The following CDCP1 variants were observed in gnomAD, a reference collection of about 807,000 sequenced individuals.
CDCP1 encodes the protein CUB domain containing protein 1, also known as CUB domain-containing protein 1.
CDCP1 carries 29 observed loss-of-function variants against 60.2 expected under a neutral mutation model. That is an observed-to-expected ratio of 0.48 (90% CI 0.36 to 0.66). The LOEUF (loss-of-function observed/expected upper bound fraction) is 0.66, where lower values mean the gene tolerates loss of function less well. Ranked by LOEUF, CDCP1 falls within the 30% of genes least tolerant of loss-of-function variation. CDCP1 has a pLI of 0.00. For synonymous variants in CDCP1, 387 were observed against 431.1 expected (o/e 0.90, Z 1.27); for missense variants, 876 against 1,074.3 (o/e 0.82, Z 2.58).
chr3:45,116,092 T>C (rs532889908), intron 2 of CDCP1, among the ~76,000 whole-genome samples: 1 of 152,340 alleles, frequency 6.6e-6, no homozygotes, highest in Admixed American at 6.5e-5. Flanking sequence ...TTATTGGTAA[T>C]GCTGCCATAT....
At chr3:45,108,954 T>TATATATATATA (rs1224356043) in intron 4 of CDCP1, among the ~76,000 whole-genome samples, 3 of 32,706 alleles carry the variant, frequency 9.2e-5, no homozygotes, top group East Asian at 6.8e-4. Context: ...TATATATATA[T>TATATATATATA]TTTTTTTTTT....
intron 5 of CDCP1, among the ~76,000 whole-genome samples, chr3:45,094,289 G>A (rs375869202): frequency 6.6e-6 from 1 of 151,678 alleles, no homozygotes; most frequent in East Asian, 1.9e-4. Context: ...GAAGTGGTGC[G>A]ATCTCGGCTC....
chr3:45,127,317 G>A (rs987062510), intron 1 of CDCP1, among the ~76,000 whole-genome samples: 2 of 152,160 alleles, frequency 1.3e-5, no homozygotes, highest in African/African-American at 4.8e-5. Flanking sequence ...TTCTAAGAAA[G>A]GGAACTGGCA....
In CDCP1 at chr3:45,135,048, G is replaced by A. The variant is rs13325791; in HGVS notation, c.82+11158C>T. On this transcript the variant is annotated intron_variant, in intron 1 of 8. Transcript: ENST00000296129. Reference sequence around the variant, plus strand: ...ATGTGGAAGGTGTTAAGTCAACGAGGACAGCCATTATAAAAGGTGTTTGGG... The same window carrying A: ...ATGTGGAAGGTGTTAAGTCAACGAGAACAGCCATTATAAAAGGTGTTTGGG... Among the ~76,000 whole-genome samples, 792 of 152,248 alleles carry A rather than the reference G, an allele frequency of 5.2e-3. 9 individuals are homozygous for A. Among genetic ancestry groups the A allele is most frequent in the African/African-American group, 0.018 (753 of 41,552 alleles).
chr3:45,138,131 T>C (rs995471847), intron 1 of CDCP1, among the ~76,000 whole-genome samples: 1 of 152,232 alleles, frequency 6.6e-6, no homozygotes, highest in Non-Finnish European at 1.5e-5. Context: ...TAAGTTGTTA[T>C]AAAACTGGTC....
chr3:45,095,799 T>C (rs1698387982), intron 4 of CDCP1, among the ~76,000 whole-genome samples: 3 of 152,130 alleles, frequency 2.0e-5, no homozygotes. Context: ...TCATTAAAAA[T>C]GTGGCATAAA....
In CDCP1 at chr3:45,135,225, A is replaced by G. The variant is rs539921328; in HGVS notation, c.82+10981T>C. ...CAAAAATTCAGGGATATGAAAAACTAAGTTGAGGCACCAAGAATTCTGAGA... is the reference window on the plus strand; with the variant it reads ...CAAAAATTCAGGGATATGAAAAACTGAGTTGAGGCACCAAGAATTCTGAGA... On this transcript the variant is annotated intron_variant, in intron 1 of 8. Transcript: ENST00000296129. Among the ~76,000 whole-genome samples, 29 of 152,270 alleles carry G rather than the reference A, an allele frequency of 1.9e-4. No homozygotes were observed. The East Asian group carries it at 5.4e-3, about 28-fold the overall frequency.
chr3:45,122,128 A>C (rs1698896016), intron 1 of CDCP1, among the ~76,000 whole-genome samples: 1 of 150,782 alleles, frequency 6.6e-6, no homozygotes, highest in African/African-American at 2.5e-5. Context: ...CAGTCAAAGA[A>C]AAATGTATAA....
intron 1 of CDCP1, among the ~76,000 whole-genome samples, chr3:45,143,267 A>G (rs749639455): frequency 5.9e-5 from 9 of 152,234 alleles, no homozygotes; most frequent in African/African-American, 9.6e-5. Flanking sequence ...AGATACATCA[A>G]AATGGGATAA....
chr3:45,086,199 T>C, intron 8 of CDCP1, 132 bp from the exon 9 acceptor site: 1 of 779,238 alleles, frequency 1.3e-6, no homozygotes, highest in East Asian at 2.5e-5. Context: ...CTCAGATTGC[T>C]CAGCATTTGA....
In CDCP1 at chr3:45,110,699, G is replaced by C; in HGVS notation, c.798C>G (p.Phe266Leu). The C allele has an allele frequency of 1.9e-6, 3 of 1,614,216 alleles. No individual in the cohort carries two copies. Among genetic ancestry groups the C allele is most frequent in the Non-Finnish European group, 1.7e-6 (2 of 1,180,050 alleles). ...CACAGTTGGAGAGGTTGAAGTTGAG[G>C]AAGGAGACGCTGGCCCGCAGGTGTG... ...VPAHLRASVS[F>L]LNFNLSNCER... The change falls in exon 4 of 9, where the codon TTC becomes TTG. Residue 266 changes from phenylalanine to leucine, a missense_variant. By Grantham distance (22) the Phe-to-Leu change is conservative (BLOSUM62 0). Around this residue, in one of 2 missense-constraint regions of CDCP1, gnomAD observed 726 missense variants for 935.7 expected, o/e 0.78. Coordinates refer to ENST00000296129, the MANE Select transcript of CDCP1 (RefSeq NM_022842.5).
chr3:45,123,849 T>C (rs1698928183), intron 1 of CDCP1, among the ~76,000 whole-genome samples: 2 of 152,204 alleles, frequency 1.3e-5, no homozygotes, highest in Non-Finnish European at 2.9e-5. Context: ...AACTTAGAAA[T>C]GCTCCAGATT....
At chr3:45,138,255 T>C (rs565627543) in intron 1 of CDCP1, among the ~76,000 whole-genome samples, 19 of 152,352 alleles carry the variant, frequency 1.2e-4, no homozygotes, top group African/African-American at 4.3e-4. Context: ...GGCTTTTCAC[T>C]GAGCAGCTTC....
chr3:45,108,724 CAT>C (rs72094122), intron 4 of CDCP1, among the ~76,000 whole-genome samples: 7,046 of 109,222 alleles, frequency 0.065, 1,213 homozygotes, highest in Non-Finnish European at 0.11. Flanking sequence ...TGCATGTATA[CAT>C]ATATATATGC....
intron 1 of CDCP1, among the ~76,000 whole-genome samples, chr3:45,120,252 G>A (rs1288254678): frequency 2.0e-5 from 3 of 147,412 alleles, no homozygotes; most frequent in Non-Finnish European, 4.5e-5. Flanking sequence ...TTGGATTTCT[G>A]TCACCCTTTT....
chr3:45,124,834 A>ACCTCATATCCACC (rs1410361120), intron 1 of CDCP1, among the ~76,000 whole-genome samples: 1 of 152,104 alleles, frequency 6.6e-6, no homozygotes, highest in Non-Finnish European at 1.5e-5. Flanking sequence ...TTTATACCCT[A>ACCTCATATCCACC]CCTCATATCC....
chr3:45,099,733 C>G (rs903118928), intron 4 of CDCP1, among the ~76,000 whole-genome samples: 3 of 152,018 alleles, frequency 2.0e-5, no homozygotes, highest in African/African-American at 7.2e-5. Context: ...ATCTTTCAGC[C>G]CTTTTGACTC....
At chr3:45,089,289 A>C (rs1698251683) in intron 7 of CDCP1, 148 bp from the exon 8 acceptor site, 3 of 646,250 alleles carry the variant, frequency 4.6e-6, no homozygotes, top group Non-Finnish European at 2.8e-6. Context: ...GGCTCCTCAT[A>C]TCACAAAGTG....
Position 45,118,633 on chromosome 3 carries a change from A to G in CDCP1, c.83-12T>C. ...AATCTCAAAAGCTTCTGAAGGAAGG[A>G]AGGAAAATGAAGTAAGCAGGATGAT... On this transcript the variant is annotated splice_polypyrimidine_tract_variant and intron_variant, in intron 1 of 8. Transcript: ENST00000296129. The G allele has an allele frequency of 1.2e-6, 2 of 1,610,500 alleles. No individual in the cohort carries two copies. Among genetic ancestry groups the G allele is most frequent in the Non-Finnish European group, 1.7e-6 (2 of 1,177,106 alleles).
Sources: allele counts gnomAD v4.1 joint callset (sites outside exome capture counted in the v4.1 genomes callset), GRCh38; gene constraint gnomAD v4.1.1; regional missense constraint gnomAD v4.1.1; transcripts MANE v1.5; gene names NCBI Gene and HGNC (gene_info 2026-07-23, HGNC 2026-07-21).